PTK2B: variants seen among roughly 807,000 people sequenced by gnomAD.
PTK2B encodes protein-tyrosine kinase 2-beta.
A neutral mutation model predicts 142.9 loss-of-function variants in PTK2B; 71 were observed. The ratio of observed to expected loss-of-function variants is 0.50; its 90% CI spans 0.41 to 0.61. The LOEUF is 0.61. Among genes scored for constraint, PTK2B ranks in the 20% least tolerant of loss-of-function variants. The probability of loss-of-function intolerance (pLI) is 0.00; values close to 1 mark genes in which losing one functional copy is unlikely to be tolerated. For synonymous variants in PTK2B, 519 were observed against 503.4 expected (o/e 1.03, Z -0.42); for missense variants, 1,105 against 1,320.4 (o/e 0.84, Z 2.53).
chr8:27,421,861 C>T (rs1809776328), intron 4 of PTK2B, among the ~76,000 whole-genome samples: 1 of 152,230 alleles, frequency 6.6e-6, no homozygotes, highest in Non-Finnish European at 1.5e-5. Context: ...GCAGGAGTGG[C>T]CATTGCTGTT....
chr8:27,311,122 G>A, upstream of PTK2B: 1 of 1,601,362 alleles, frequency 6.2e-7, no homozygotes, highest in Non-Finnish European at 8.5e-7. Flanking sequence ...GGCAGAAGTT[G>A]TGGCCGCAGC....
chr8:27,386,521 TC>T (rs758469148), intron 1 of PTK2B, among the ~76,000 whole-genome samples: 2 of 152,226 alleles, frequency 1.3e-5, no homozygotes, highest in Non-Finnish European at 2.9e-5. Context: ...ATTAGCATTT[TC>T]AACTGCTGAG....
chr8:27,355,748 G>C (rs999818993), intron 1 of PTK2B, among the ~76,000 whole-genome samples: 3 of 152,190 alleles, frequency 2.0e-5, no homozygotes, highest in African/African-American at 7.2e-5. Context: ...TTGAGGCTAC[G>C]CATGGTGGCT....
intron 1 of PTK2B, among the ~76,000 whole-genome samples, chr8:27,336,151 G>A (rs1049133026): frequency 2.0e-5 from 3 of 152,138 alleles, no homozygotes; most frequent in Admixed American, 6.5e-5. Flanking sequence ...TGTGAGTGGC[G>A]GGAGGGGCTG....
intron 1 of PTK2B, among the ~76,000 whole-genome samples, chr8:27,364,852 C>T (rs1376817663): frequency 6.6e-6 from 1 of 152,178 alleles, no homozygotes; most frequent in African/African-American, 2.4e-5. Flanking sequence ...ATTATCGCCC[C>T]CATCTTGAGT....
At chr8:27,430,760 G>A in intron 7 of PTK2B, 116 bp from the exon 8 acceptor site, 2 of 1,403,528 alleles carry the variant, frequency 1.4e-6, no homozygotes, top group South Asian at 1.3e-5. Context: ...TGCTTTTGGG[G>A]CAAAGGCCCT....
At chr8:27,431,755 T>G (rs1297629720) in intron 9 of PTK2B, among the ~76,000 whole-genome samples, 1 of 152,212 alleles carries the variant, frequency 6.6e-6, no homozygotes, top group Non-Finnish European at 1.5e-5. Flanking sequence ...GTGTTGCTCT[T>G]TCAGTGACAA....
intron 19 of PTK2B, 40 bp downstream of exon 19, chr8:27,439,171 G>A (rs1360366957): frequency 6.3e-7 from 1 of 1,595,802 alleles, no homozygotes; most frequent in Non-Finnish European, 8.6e-7. Context: ...CCTTGGAGGG[G>A]TCGCTGAAGC....
At chr8:27,325,448 C>G (rs1384785204), upstream of PTK2B, 1 of 152,202 alleles carries the variant, frequency 6.6e-6, no homozygotes, top group African/African-American at 2.4e-5. Flanking sequence ...AGGCTGGAGC[C>G]GGCACACACA....
rs527557584 is a variant in PTK2B, at chr8:27,346,578, A to G, written c.-38+20897A>G. ...AAATAAAAGTTGCTTTCTGCTCTTC[A>G]TGCTGCTGTGAGTGATGGAGGAAGT... On this transcript the variant is annotated intron_variant, in intron 1 of 30. Transcript: ENST00000346049. 3.9e-5 allele frequency among the ~76,000 whole-genome samples: 6 copies of G among 152,326 alleles called. No individual in the cohort carries two copies. In the East Asian group the frequency reaches 7.7e-4, roughly 20 times the overall value.
At chr8:27,351,918 T>C (rs1326296346) in intron 1 of PTK2B, among the ~76,000 whole-genome samples, 1 of 152,076 alleles carries the variant, frequency 6.6e-6, no homozygotes, top group African/African-American at 2.4e-5. Context: ...GCTAATGGGA[T>C]GGTAAAAGCA....
chr8:27,400,355 A>T (rs1250349462), intron 2 of PTK2B, among the ~76,000 whole-genome samples: 1 of 152,154 alleles, frequency 6.6e-6, no homozygotes, highest in Non-Finnish European at 1.5e-5. Context: ...TATTTGCCTA[A>T]AAAACCCTCC....
At chr8:27,447,869 A>G (rs183804982) in intron 24 of PTK2B, among the ~76,000 whole-genome samples, 133 of 152,342 alleles carry the variant, frequency 8.7e-4, no homozygotes, top group Non-Finnish European at 1.5e-3. Context: ...AAAAATAAAA[A>G]TAAATAAAAT....
At chr8:27,324,153 C>G (rs968427546), upstream of PTK2B, among the ~76,000 whole-genome samples, 2 of 152,222 alleles carry the variant, frequency 1.3e-5, no homozygotes, top group African/African-American at 4.8e-5. Flanking sequence ...CTCCTCATCC[C>G]CACACCTTCC....
intron 1 of PTK2B, among the ~76,000 whole-genome samples, chr8:27,372,253 G>A (rs541841279): frequency 6.6e-6 from 1 of 152,336 alleles, no homozygotes; most frequent in East Asian, 1.9e-4. Context: ...CAGAGAAACA[G>A]AACAGACAAG....
At chr8:27,387,637 C>T (rs995668849) in intron 1 of PTK2B, among the ~76,000 whole-genome samples, 2 of 152,182 alleles carry the variant, frequency 1.3e-5, no homozygotes, top group Admixed American at 6.5e-5. Context: ...ATCGTGTGTG[C>T]AGAGCCCAGA....
intron 1 of PTK2B, among the ~76,000 whole-genome samples, chr8:27,347,331 G>A (rs1439796467): frequency 2.6e-5 from 4 of 152,136 alleles, no homozygotes; most frequent in Non-Finnish European, 4.4e-5. Context: ...AGTGAGCCGA[G>A]ATCCACCCAC....
chr8:27,357,663 T>C (rs1255813642), intron 1 of PTK2B, among the ~76,000 whole-genome samples: 3 of 152,206 alleles, frequency 2.0e-5, no homozygotes. Context: ...AGAGAGGAGA[T>C]GCCTTTTTTG....
chr8:27,419,888 T>C lies in PTK2B; in HGVS notation c.205-7T>C, dbSNP rs1809635239. On this transcript the variant is annotated splice_polypyrimidine_tract_variant and splice_region_variant and intron_variant, in intron 2 of 30. Coordinates refer to ENST00000346049, the MANE Select transcript of PTK2B (RefSeq NM_173176.3). ...CCTGAGTCATGCCTCTCTCTTCTCC[T>C]CTGCAGGAGATCATCACCTCCATCC... 15 of 1,614,062 alleles carry C rather than the reference T, an allele frequency of 9.3e-6. No individual in the cohort carries two copies. Among genetic ancestry groups the C allele is most frequent in the Non-Finnish European group, 1.3e-5 (15 of 1,179,984 alleles).
Sources: gnomAD v4.1 joint callset for allele counts (sites outside exome capture counted in the v4.1 genomes callset) on GRCh38, gnomAD v4.1.1 for gene constraint, MANE v1.5 for transcripts, NCBI Gene and HGNC (gene_info 2026-07-23, HGNC 2026-07-21) for gene names.